AGBL4: variants seen among roughly 807,000 people sequenced by gnomAD.
AGBL4 encodes the protein cytosolic carboxypeptidase 6.
In AGBL4, 58 loss-of-function variants were observed where a neutral mutation model predicts 66.4. The observed-to-expected ratio is 0.87, with a 90% confidence interval of 0.71 to 1.09. AGBL4 has a LOEUF of 1.09. Ranked by LOEUF, AGBL4 falls within the 50% of genes least tolerant of loss-of-function variation. The pLI is 0.00. For synonymous variants in AGBL4, 234 were observed against 222.9 expected, an observed-to-expected ratio of 1.05 and a Z score of -0.44; for missense variants, 579 against 631.0, an observed-to-expected ratio of 0.92 and a Z score of 0.88.
intron 4 of AGBL4, among the ~76,000 whole-genome samples, chr1:49,203,632 G>A (rs914651211): frequency 6.6e-6 from 1 of 152,052 alleles, no homozygotes; most frequent in Non-Finnish European, 1.5e-5. Context: ...GGAAGTTGTT[G>A]TTTAATGGTT....
chr1:48,560,734 T>C (rs1414297789), intron 11 of AGBL4, among the ~76,000 whole-genome samples: 1 of 152,212 alleles, frequency 6.6e-6, no homozygotes, highest in Admixed American at 6.5e-5. Context: ...ACCTCAACTT[T>C]ATGCAACCAA....
chr1:49,096,852 A>G (rs75889240), intron 4 of AGBL4, among the ~76,000 whole-genome samples: 2 of 152,064 alleles, frequency 1.3e-5, no homozygotes, highest in African/African-American at 4.8e-5. Flanking sequence ...TAAAAAAAAA[A>G]CAGTGAAGGC....
At chr1:48,556,958 T>G (rs971975057) in intron 11 of AGBL4, among the ~76,000 whole-genome samples, 8 of 151,978 alleles carry the variant, frequency 5.3e-5, no homozygotes, top group African/African-American at 1.7e-4. Context: ...CCTGGCTAAT[T>G]TTTTGTATTT....
Position 50,002,359 on chromosome 1 carries a change from C to CTTTTTT in AGBL4, c.34+21398_34+21403dup, listed in dbSNP as rs372960346. On this transcript the variant is annotated intron_variant, in intron 1 of 13. Coordinates refer to ENST00000371839, the MANE Select transcript of AGBL4 (RefSeq NM_032785.4). ...TTGAGCCCTTAAATCTGCCCTAGTT[C>CTTTTTT]TTTTTTTTTTTTTTTTTTTTTTTTT... Among the ~76,000 whole-genome samples, 33 of 96,030 alleles carry CTTTTTT rather than the reference C, an allele frequency of 3.4e-4. 2 individuals are homozygous for CTTTTTT. The highest frequency in any genetic ancestry group is 6.8e-4 in the African/African-American group (15 of 22,154). 63.0% of individuals were successfully genotyped at this position (96,030 alleles called of 152,430 possible).
intron 2 of AGBL4, among the ~76,000 whole-genome samples, chr1:49,708,300 G>A (rs1404912866): frequency 6.6e-6 from 1 of 151,554 alleles, no homozygotes; most frequent in East Asian, 2.0e-4. Context: ...ATTTCATTAA[G>A]TTGAGCTTCA....
At chr1:49,379,707 C>G (rs913705851) in intron 3 of AGBL4, among the ~76,000 whole-genome samples, 1 of 152,064 alleles carries the variant, frequency 6.6e-6, no homozygotes, top group Non-Finnish European at 1.5e-5. Context: ...ATTGAACCAG[C>G]CTTGCATCCC....
Position 49,290,573 on chromosome 1 carries a change from AT to A in AGBL4, c.283-44710del, listed in dbSNP as rs377531280. On this transcript the variant is annotated intron_variant, in intron 3 of 13. Coordinates refer to ENST00000371839, the MANE Select transcript of AGBL4 (RefSeq NM_032785.4). ...GAAGGGGAAAGGATTTGGAAAAAAA[AT>A]ATATCAAAGTACTATAGCTGCCCCT... 2.1e-4 allele frequency among the ~76,000 whole-genome samples: 32 copies of A among 152,308 alleles called. 1 individual carries two copies. Among genetic ancestry groups the A allele is most frequent in the African/African-American group, 7.5e-4 (31 of 41,562 alleles).
intron 1 of AGBL4, among the ~76,000 whole-genome samples, chr1:50,012,180 A>G (rs1014158301): frequency 3.3e-5 from 5 of 151,888 alleles, no homozygotes; most frequent in African/African-American, 1.2e-4. Context: ...AAAAAAAAAA[A>G]AAAAAAGAAT....
intron 5 of AGBL4, among the ~76,000 whole-genome samples, chr1:48,911,335 T>A (rs1653075643): frequency 2.0e-5 from 3 of 152,088 alleles, no homozygotes; most frequent in Admixed American, 2.0e-4. Flanking sequence ...CATAAGGACC[T>A]GGCCGGGCGT....
intron 5 of AGBL4, among the ~76,000 whole-genome samples, chr1:49,008,342 A>G (rs1436115207): frequency 1.3e-5 from 2 of 151,980 alleles, no homozygotes; most frequent in Non-Finnish European, 1.5e-5. Context: ...CTAAATATAT[A>G]TGCACCCAAT....
At chr1:48,621,678 A>T (rs547443633) in intron 9 of AGBL4, among the ~76,000 whole-genome samples, 79 of 152,320 alleles carry the variant, frequency 5.2e-4, no homozygotes, top group Non-Finnish European at 1.0e-3. Context: ...ACTTAAAATT[A>T]TAGCATAAGC....
intron 11 of AGBL4, among the ~76,000 whole-genome samples, chr1:48,551,059 C>G (rs1644241831): frequency 2.0e-5 from 3 of 152,166 alleles, no homozygotes; most frequent in South Asian, 4.1e-4. Flanking sequence ...ATGATGTTCT[C>G]ACAATTGCTG....
At chr1:48,699,461 AC>A (rs2148503836) in intron 6 of AGBL4, among the ~76,000 whole-genome samples, 1 of 152,204 alleles carries the variant, frequency 6.6e-6, no homozygotes, top group East Asian at 1.9e-4. Context: ...CCATCAGCCC[AC>A]CTCATGCAAC....
intron 6 of AGBL4, among the ~76,000 whole-genome samples, chr1:48,846,393 G>T (rs189803202): frequency 2.9e-4 from 43 of 150,406 alleles, no homozygotes; most frequent in African/African-American, 9.3e-4. Flanking sequence ...AAGAAAGAAA[G>T]AAAGAAAGAA....
intron 9 of AGBL4, among the ~76,000 whole-genome samples, chr1:48,593,824 G>T (rs1283024838): frequency 6.6e-6 from 1 of 152,104 alleles, no homozygotes; most frequent in African/African-American, 2.4e-5. Context: ...ATGTGCATTT[G>T]CATTTCTGAT....
chr1:49,533,940 T>C (rs1264840088), intron 3 of AGBL4, among the ~76,000 whole-genome samples: 4 of 152,140 alleles, frequency 2.6e-5, no homozygotes, highest in Non-Finnish European at 4.4e-5. Context: ...GATTTGGGAA[T>C]GAGTTGAAGC....
At chr1:50,010,469 A>AACACACACAC (rs113933841) in intron 1 of AGBL4, among the ~76,000 whole-genome samples, 2,754 of 149,022 alleles carry the variant, frequency 0.018, 33 homozygotes, top group African/African-American at 0.023. Flanking sequence ...AGGAACCACA[A>AACACACACAC]ACACACACAC....
chr1:49,796,572 T>TA (rs1433515543), intron 2 of AGBL4, among the ~76,000 whole-genome samples: 2 of 151,296 alleles, frequency 1.3e-5, no homozygotes, highest in Admixed American at 6.6e-5. Flanking sequence ...TTAGAAGACT[T>TA]AAAAATTCGT....
intron 11 of AGBL4, among the ~76,000 whole-genome samples, chr1:48,583,648 G>C (rs1644772289): frequency 6.6e-6 from 1 of 152,162 alleles, no homozygotes; most frequent in South Asian, 2.1e-4. Flanking sequence ...TACAGGACTT[G>C]CTGAAGGGTG....
Sources: allele counts gnomAD v4.1 joint callset (sites outside exome capture counted in the v4.1 genomes callset), GRCh38; gene constraint gnomAD v4.1.1; transcripts MANE v1.5; gene names NCBI Gene and HGNC (gene_info 2026-07-23, HGNC 2026-07-21).